HMGA2: variants seen among roughly 807,000 people sequenced by gnomAD.
HMGA2 encodes high mobility group protein HMGI-C.
A neutral mutation model predicts 19.1 loss-of-function variants in HMGA2; 8 were observed. The observed-to-expected ratio is 0.42, with a 90% CI of 0.25 to 0.76. HMGA2 has a LOEUF of 0.76. Among genes scored for constraint, HMGA2 ranks in the 30% least tolerant of loss-of-function variants. The pLI is 0.28. For missense variants in HMGA2, 109 were observed against 136.3 expected (o/e 0.80, Z 1.00); for synonymous variants, 60 against 48.8 (o/e 1.23, Z -0.96).
rs2044983799 is a variant in HMGA2, at chr12:65,833,012, A to G, written c.198+4925A>G. Among the ~76,000 whole-genome samples, 4 of 152,208 alleles carry G rather than the reference A, an allele frequency of 2.6e-5. No homozygotes were observed. In the South Asian group the frequency reaches 8.3e-4, roughly 32 times the overall value. The stretch of plus-strand genomic sequence containing the variant: ...AGTGTTTGTATACATGAAGATAAGC[A>G]TGTGCAAAATAAGGACACCAGAGTT... On this transcript the variant is annotated intron_variant, in intron 2 of 4. Transcript: ENST00000403681.
chr12:65,842,959 G>A, intron 3 of HMGA2: 1 of 946,530 alleles, frequency 1.1e-6, no homozygotes, highest in East Asian at 4.6e-5. Flanking sequence ...TAGTGATGCA[G>A]CTAGTGCTTC....
intron 3 of HMGA2, among the ~76,000 whole-genome samples, chr12:65,866,284 C>A (rs189251913): frequency 6.6e-6 from 1 of 151,994 alleles, no homozygotes; most frequent in Non-Finnish European, 1.5e-5. Flanking sequence ...TAAATGACGG[C>A]GTAGTTATTA....
At chr12:65,931,106 A>G (rs1242763075) in intron 3 of HMGA2, among the ~76,000 whole-genome samples, 2 of 152,112 alleles carry the variant, frequency 1.3e-5, no homozygotes, top group East Asian at 3.9e-4. Context: ...AGACATCTGT[A>G]TTTTTCATTC....
intron 2 of HMGA2, 44 bp from the exon 3 acceptor site, chr12:65,838,475 A>G (rs2120872280): frequency 1.4e-6 from 2 of 1,470,116 alleles, no homozygotes; most frequent in Non-Finnish European, 1.9e-6. Context: ...ACTTATAAAC[A>G]ATGTCAGGTA....
intron 3 of HMGA2, chr12:65,914,582 A>G: frequency 4.4e-6 from 1 of 229,638 alleles, no homozygotes; most frequent in East Asian, 1.0e-4. Flanking sequence ...AGCACGGCAC[A>G]TGTATACATA....
At chr12:65,899,726 CA>C (rs1238608039) in intron 3 of HMGA2, among the ~76,000 whole-genome samples, 1 of 152,168 alleles carries the variant, frequency 6.6e-6, no homozygotes, top group Non-Finnish European at 1.5e-5. Flanking sequence ...GATTATTTCC[CA>C]GGTTGTGTTA....
chr12:65,850,038 T>C (rs1019240803), intron 3 of HMGA2, among the ~76,000 whole-genome samples: 1 of 152,066 alleles, frequency 6.6e-6, no homozygotes, highest in Admixed American at 6.6e-5. Context: ...TATTTAGTAT[T>C]GCCCTTCCTC....
intron 4 of HMGA2, chr12:65,952,454 C>T: frequency 6.5e-7 from 1 of 1,532,462 alleles, no homozygotes; most frequent in Non-Finnish European, 8.7e-7. Context: ...CTTCCAAACA[C>T]ATGAAAGGAT....
intron 3 of HMGA2, among the ~76,000 whole-genome samples, chr12:65,901,988 A>G (rs1874391187): frequency 6.6e-6 from 1 of 152,214 alleles, no homozygotes; most frequent in Admixed American, 6.5e-5. Context: ...CAAATATAAT[A>G]AAAATGGATG....
At chr12:65,882,342 C>T (rs1015871731) in intron 3 of HMGA2, among the ~76,000 whole-genome samples, 11 of 152,194 alleles carry the variant, frequency 7.2e-5, no homozygotes, top group African/African-American at 2.7e-4. Context: ...GGTCCAGCAG[C>T]AAAAACAAAA....
At chr12:65,826,996 A>C (rs1228690666) in intron 1 of HMGA2, 1 of 152,224 alleles carries the variant, frequency 6.6e-6, no homozygotes, top group African/African-American at 2.4e-5. Context: ...GAGGACGTTC[A>C]TGGGTTTTAA....
At chr12:65,954,174 A>C (rs1049629176) in intron 4 of HMGA2, 12 of 152,194 alleles carry the variant, frequency 7.9e-5, no homozygotes, top group African/African-American at 2.9e-4. Context: ...ACATTACAAG[A>C]GATGCATAAT....
chr12:65,943,069 GA>G (rs1311596647), intron 3 of HMGA2, among the ~76,000 whole-genome samples: 3 of 151,756 alleles, frequency 2.0e-5, no homozygotes, highest in Admixed American at 2.0e-4. Context: ...AACATTGTAG[GA>G]AAAAAATATT....
At chr12:65,931,286 G>C (rs1277094634) in intron 3 of HMGA2, among the ~76,000 whole-genome samples, 1 of 152,066 alleles carries the variant, frequency 6.6e-6, no homozygotes, top group Admixed American at 6.6e-5. Context: ...CATTCTGCAA[G>C]CCATCTTGTT....
At chr12:65,871,713 C>T (rs1185018676) in intron 3 of HMGA2, among the ~76,000 whole-genome samples, 1 of 152,138 alleles carries the variant, frequency 6.6e-6, no homozygotes, top group Non-Finnish European at 1.5e-5. Flanking sequence ...CATTTTAGTT[C>T]ACACTCAGGC....
At chr12:65,938,826 G>A (rs908345789) in intron 3 of HMGA2, among the ~76,000 whole-genome samples, 2 of 151,916 alleles carry the variant, frequency 1.3e-5, no homozygotes, top group African/African-American at 2.4e-5. Context: ...ATCACACCCG[G>A]CTGATTTTTG....
At position 65,952,124 on chromosome 12, in the gene HMGA2, T is replaced by C. The variant is rs1484298604; in HGVS notation, c.282+709T>C. 1.8e-5 allele frequency: 8 copies of C among 451,878 alleles called. No homozygotes were observed. In the Admixed American group the frequency reaches 2.5e-4, roughly 14 times the overall value. The allele number at this position is 451,878 out of a possible 1,614,324, so 28.0% of individuals were successfully genotyped here. A position where few individuals can be genotyped will look rare whatever the true frequency, so the allele number is the denominator to read the frequency against. On this transcript the variant is annotated intron_variant, in intron 4 of 4. Coordinates refer to ENST00000403681, the MANE Select transcript of HMGA2 (RefSeq NM_003483.6). ...TGAAGTATAAATTAACCAGGATTGC[T>C]AATAATGTGAGCCAGTATTAAAGTA...
intron 3 of HMGA2, among the ~76,000 whole-genome samples, chr12:65,879,349 G>A (rs1009536510): frequency 4.6e-5 from 7 of 151,222 alleles, no homozygotes; most frequent in Non-Finnish European, 8.8e-5. Flanking sequence ...GGCTGGTCTC[G>A]AATTCCTGGG....
Position 65,884,065 on chromosome 12 carries a change from C to T in HMGA2, c.249+45496C>T, listed in dbSNP as rs573111150. Among the ~76,000 whole-genome samples the T allele has an allele frequency of 2.0e-5, 3 of 152,296 alleles. No homozygotes were observed. In the South Asian group the frequency reaches 6.2e-4, roughly 32 times the overall value. On this transcript the variant is annotated intron_variant, in intron 3 of 4. Transcript: ENST00000403681. ...GTTTTTAGTAGAGATGAGATTTTGC[C>T]ATGTTGGCCAGGTTGGTCTTGAACT...
Sources: allele counts gnomAD v4.1 joint callset (sites outside exome capture counted in the v4.1 genomes callset), GRCh38; gene constraint gnomAD v4.1.1; transcripts MANE v1.5; gene names NCBI Gene and HGNC (gene_info 2026-07-23, HGNC 2026-07-21).